WDR70: variants seen among roughly 807,000 people sequenced by gnomAD.
WDR70 encodes the protein WD repeat-containing protein 70.
In WDR70, 53 loss-of-function variants were observed where a neutral mutation model predicts 88.6. The ratio of observed to expected loss-of-function variants is 0.60; its 90% CI spans 0.48 to 0.75. The LOEUF is 0.75. Among genes scored for constraint, WDR70 ranks in the 30% least tolerant of loss-of-function variants. The pLI, the probability that WDR70 is intolerant of heterozygous loss-of-function variation, is 0.00. For synonymous variants in WDR70, 280 were observed against 270.0 expected, an observed-to-expected ratio of 1.04 and a Z score of -0.36; for missense variants, 610 against 823.2, an observed-to-expected ratio of 0.74 and a Z score of 3.17.
chr5:37,380,193 A>G (rs1748381971), intron 2 of WDR70, among the ~76,000 whole-genome samples: 2 of 152,180 alleles, frequency 1.3e-5, no homozygotes, highest in African/African-American at 4.8e-5. Context: ...AAACATTGGG[A>G]TTCTAACTTC....
intron 9 of WDR70, among the ~76,000 whole-genome samples, chr5:37,571,916 A>G (rs1470708502): frequency 6.6e-6 from 1 of 152,122 alleles, no homozygotes; most frequent in African/African-American, 2.4e-5. Flanking sequence ...CCGAAAAACA[A>G]AAAGCTGAGG....
chr5:37,500,363 T>A (rs370907553), intron 8 of WDR70, among the ~76,000 whole-genome samples: 1 of 152,356 alleles, frequency 6.6e-6, no homozygotes, highest in East Asian at 1.9e-4. Context: ...GTTGGTTACA[T>A]ACCTTTGCAA....
At chr5:37,577,290 G>T (rs552167227) in intron 9 of WDR70, among the ~76,000 whole-genome samples, 1 of 152,178 alleles carries the variant, frequency 6.6e-6, no homozygotes, top group South Asian at 2.1e-4. Context: ...AGCAGCCTAG[G>T]CAACAGAGTG....
chr5:37,498,561 CAAATTTAGATGTA>C (rs1740300931), intron 8 of WDR70, among the ~76,000 whole-genome samples: 1 of 152,206 alleles, frequency 6.6e-6, no homozygotes, highest in Admixed American at 6.5e-5. Context: ...ACCTACTTGA[CAAATTTAGATGTA>C]TCTCACCTTA....
In WDR70 at chr5:37,479,948, A is replaced by G. The variant is rs752111530; in HGVS notation, c.801A>G (p.Ile267Met). The G allele has an allele frequency of 1.2e-6, 2 of 1,614,162 alleles. No homozygotes were observed. Among genetic ancestry groups the G allele is most frequent in the South Asian group, 2.2e-5 (2 of 91,086 alleles). Residue 267 changes from isoleucine (I) to methionine (M), a missense_variant, in exon 8 of 18, where the codon ATA (isoleucine) becomes ATG (methionine). Physicochemically the swap from Ile to Met is conservative, Grantham distance 10. Around this residue, in one of 4 missense-constraint regions of WDR70, gnomAD observed 83 missense variants for 155.3 expected, o/e 0.53. Coordinates refer to ENST00000265107, the MANE Select transcript of WDR70 (RefSeq NM_018034.4). ...DRDGFEVMEC[I>M]KGDQYIVDMA... is the part of the protein sequence containing the mutation. The stretch of plus-strand genomic sequence containing the variant: ...ATGGTTTTGAAGTAATGGAATGTAT[A>G]AAAGGAGACCAGTATATTGTGGACA...
intron 9 of WDR70, among the ~76,000 whole-genome samples, chr5:37,525,219 A>G (rs1741226963): frequency 6.6e-6 from 1 of 152,222 alleles, no homozygotes; most frequent in African/African-American, 2.4e-5. Context: ...AAGTGACCAC[A>G]TAGTTGGAAG....
intron 8 of WDR70, among the ~76,000 whole-genome samples, chr5:37,485,219 CTA>C (rs1368675396): frequency 2.0e-5 from 3 of 152,132 alleles, no homozygotes; most frequent in South Asian, 2.1e-4. Context: ...TTGAAATCTT[CTA>C]TGAGATTAGA....
chr5:37,704,303 TC>T (rs1413141460), intron 13 of WDR70, among the ~76,000 whole-genome samples: 1 of 152,214 alleles, frequency 6.6e-6, no homozygotes, highest in African/African-American at 2.4e-5. Context: ...AATTGGTTGT[TC>T]CAGAAATAAG....
At chr5:37,589,799 G>A (rs1050816527) in intron 9 of WDR70, among the ~76,000 whole-genome samples, 3 of 152,050 alleles carry the variant, frequency 2.0e-5, no homozygotes, top group Non-Finnish European at 4.4e-5. Context: ...ACAGGGTTTC[G>A]CCATGTTGCC....
chr5:37,422,531 G>T (rs1415207337), intron 5 of WDR70, among the ~76,000 whole-genome samples: 12 of 151,996 alleles, frequency 7.9e-5, no homozygotes, highest in Admixed American at 7.9e-4. Context: ...AGGCTGGAGT[G>T]CACTGGCGCG....
At chr5:37,590,444 G>A (rs899558345) in intron 9 of WDR70, among the ~76,000 whole-genome samples, 3 of 152,166 alleles carry the variant, frequency 2.0e-5, no homozygotes, top group Non-Finnish European at 4.4e-5. Flanking sequence ...GTTGTGTACA[G>A]TGGGTTCAAT....
At chr5:37,684,876 T>G (rs2112624433) in intron 10 of WDR70, among the ~76,000 whole-genome samples, 1 of 152,346 alleles carries the variant, frequency 6.6e-6, no homozygotes, top group Admixed American at 6.5e-5. Context: ...CTGGGGTGCC[T>G]GCCTCTGCAC....
intron 9 of WDR70, among the ~76,000 whole-genome samples, chr5:37,524,963 A>T (rs1253531140): frequency 6.6e-6 from 1 of 152,204 alleles, no homozygotes; most frequent in Non-Finnish European, 1.5e-5. Context: ...ATACAGGAGC[A>T]CCCAGATTCA....
intron 5 of WDR70, among the ~76,000 whole-genome samples, chr5:37,412,646 C>T (rs1349757923): frequency 6.6e-6 from 1 of 152,180 alleles, no homozygotes; most frequent in Non-Finnish European, 1.5e-5. Flanking sequence ...TCCATGAACT[C>T]TGTCTGACTC....
At chr5:37,578,242 G>T (rs1268556327) in intron 9 of WDR70, among the ~76,000 whole-genome samples, 1 of 152,152 alleles carries the variant, frequency 6.6e-6, no homozygotes, top group African/African-American at 2.4e-5. Flanking sequence ...ATTAAGGATG[G>T]TGCATGAATA....
intron 10 of WDR70, among the ~76,000 whole-genome samples, chr5:37,619,447 T>A (rs1177660020): frequency 6.6e-6 from 1 of 152,206 alleles, no homozygotes; most frequent in Admixed American, 6.5e-5. Context: ...CTGAGCCATG[T>A]TTCTCAGCAT....
chr5:37,667,423 C>T (rs1745886843), intron 10 of WDR70, among the ~76,000 whole-genome samples: 1 of 152,144 alleles, frequency 6.6e-6, no homozygotes, highest in Non-Finnish European at 1.5e-5. Flanking sequence ...CTGTTATTAT[C>T]ATCATTATTA....
intron 17 of WDR70, among the ~76,000 whole-genome samples, chr5:37,749,914 GT>G (rs1413844542): frequency 2.0e-5 from 3 of 150,262 alleles, no homozygotes; most frequent in African/African-American, 7.3e-5. Flanking sequence ...AGGAAATTCA[GT>G]GCTAAGTTTA....
At chr5:37,584,997 C>CTT (rs34031872) in intron 9 of WDR70, among the ~76,000 whole-genome samples, 110 of 142,262 alleles carry the variant, frequency 7.7e-4, no homozygotes, top group Admixed American at 1.3e-3. Context: ...TCTTTGTCCA[C>CTT]TTTTTTTTTT....
Sources: gnomAD v4.1 joint callset for allele counts (sites outside exome capture counted in the v4.1 genomes callset) on GRCh38, gnomAD v4.1.1 for gene constraint, gnomAD v4.1.1 regional missense constraint, MANE v1.5 for transcripts, NCBI Gene and HGNC (gene_info 2026-07-23, HGNC 2026-07-21) for gene names.